Variants in TBXAS1 observed in about 807,000 individuals in gnomAD.
TBXAS1 encodes the protein thromboxane A synthase 1.
TBXAS1 carries 48 observed loss-of-function variants against 60.7 expected under a neutral mutation model. The ratio of observed to expected loss-of-function variants is 0.79; its 90% confidence interval spans 0.63 to 1.01. TBXAS1 has a LOEUF of 1.01. Among genes scored for constraint, TBXAS1 ranks in the 50% least tolerant of loss-of-function variants. The pLI is 0.00. For missense variants in TBXAS1, 685 were observed against 686.3 expected (o/e 1.00, Z 0.02); for synonymous variants, 287 against 269.7 (o/e 1.06, Z -0.63).
intron 7 of TBXAS1, 82 bp downstream of exon 7, chr7:139,955,689 G>A (rs1205944782): frequency 1.0e-5 from 16 of 1,590,578 alleles, no homozygotes; most frequent in Non-Finnish European, 1.3e-5. Context: ...GGCTTCTGGG[G>A]CTCTGTCCCT....
At chr7:139,882,794 T>C (rs943967955) in intron 3 of TBXAS1, among the ~76,000 whole-genome samples, 2 of 152,166 alleles carry the variant, frequency 1.3e-5, no homozygotes, top group Non-Finnish European at 2.9e-5. Context: ...AAGCTGTGCA[T>C]TGCCGTTCCC....
chr7:139,955,604 C>T lies in TBXAS1; in HGVS notation c.685C>T (p.Leu229Phe). Residue 229 changes from leucine to phenylalanine, a missense_variant, in exon 7 of 13, where the codon CTC becomes TTC. Physicochemically the swap from Leu to Phe is conservative, Grantham distance 22. Coordinates refer to ENST00000448866, the MANE Select transcript of TBXAS1 (RefSeq NM_001061.7). The part of the protein sequence containing the change: ...FCIPRPILVL[L>F]LSFPSIMVPL... ...CATCCCCAGACCTATCCTGGTTTTA[C>T]TCTGTAAGTGCGGCTGCAGCCCGGG... 6.2e-7 allele frequency: 1 copy of T among 1,614,158 alleles called. No individual in the cohort carries two copies. Among genetic ancestry groups the T allele is most frequent in the Non-Finnish European group, 8.5e-7 (1 of 1,180,032 alleles).
intron 9 of TBXAS1, among the ~76,000 whole-genome samples, chr7:139,988,788 C>T (rs944878360): frequency 5.3e-5 from 8 of 152,332 alleles, no homozygotes; most frequent in African/African-American, 1.4e-4. Flanking sequence ...AGACCCCAGC[C>T]AGCCACTTGA....
At position 139,875,689 on chromosome 7, in the gene TBXAS1, C is replaced by T. The variant is rs373958807; in HGVS notation, c.236+52C>T. ...TATGTACGATATTTTCTATTATGTA[C>T]GATATTTTGATTTTCACGTGTTGAA... On this transcript the variant is annotated intron_variant, in intron 3 of 12. Transcript: ENST00000448866. 16 of 1,601,042 alleles carry T rather than the reference C, an allele frequency of 1.0e-5. No homozygotes were observed. In the East Asian group the frequency reaches 1.3e-4, roughly 13 times the overall value.
At chr7:139,797,797 C>T (rs917993443) in intron 4 of TBXAS1, among the ~76,000 whole-genome samples, 1 of 152,190 alleles carries the variant, frequency 6.6e-6, no homozygotes, top group African/African-American at 2.4e-5. Flanking sequence ...GTTCAAACTT[C>T]CCTCAAAAAA....
At chr7:139,800,753 C>G (rs1214363195) in intron 4 of TBXAS1, among the ~76,000 whole-genome samples, 5 of 152,124 alleles carry the variant, frequency 3.3e-5, no homozygotes. Context: ...AGAATATTCT[C>G]CCTTCTATCT....
chr7:139,782,128 A>G (rs1442352367), intron 2 of TBXAS1, among the ~76,000 whole-genome samples: 1 of 151,770 alleles, frequency 6.6e-6, no homozygotes, highest in Admixed American at 6.6e-5. Flanking sequence ...GATAGTGTGC[A>G]TTGTATTTTA....
Position 140,004,832 on chromosome 7 carries a change from G to A in TBXAS1, c.1135-2259G>A, listed in dbSNP as rs1585042484. Among the ~76,000 whole-genome samples, 1 of 152,384 alleles carries A rather than the reference G, an allele frequency of 6.6e-6. No individual in the cohort carries two copies. Among genetic ancestry groups the A allele is most frequent in the East Asian group, 1.9e-4 (1 of 5,186 alleles). ...TCAGTACCTGGGCTAGGGGTGGGCA[G>A]AGGTTTGCCCCCATCGAGAAACAGC... On this transcript the variant is annotated intron_variant, in intron 9 of 12. Coordinates refer to ENST00000448866, the MANE Select transcript of TBXAS1 (RefSeq NM_001061.7). This position sits in a 1 kb window ranked among gnomAD's most constrained non-coding sequence, Gnocchi z 5.1.
chr7:139,966,881 C>A (rs895268359), intron 9 of TBXAS1, among the ~76,000 whole-genome samples: 1 of 152,184 alleles, frequency 6.6e-6, no homozygotes, highest in Non-Finnish European at 1.5e-5. Flanking sequence ...CCTCCCCCAC[C>A]CCTGCTGGGC....
At chr7:139,939,079 G>C (rs1018223783) in intron 5 of TBXAS1, among the ~76,000 whole-genome samples, 1 of 152,174 alleles carries the variant, frequency 6.6e-6, no homozygotes, top group African/African-American at 2.4e-5. Flanking sequence ...AAGATGCCAA[G>C]AGAAGCCAGG....
chr7:139,889,625 G>T (rs931744110), intron 3 of TBXAS1, among the ~76,000 whole-genome samples: 4 of 152,174 alleles, frequency 2.6e-5, no homozygotes, highest in African/African-American at 9.7e-5. Context: ...CCAAGATCAA[G>T]GAACCAACAG....
intron 9 of TBXAS1, among the ~76,000 whole-genome samples, chr7:139,979,924 G>T (rs1007235209): frequency 6.6e-6 from 1 of 151,290 alleles, no homozygotes; most frequent in African/African-American, 2.4e-5. Flanking sequence ...GTAACATTGG[G>T]TTTTGCTTTT....
At chr7:139,790,020 G>A (rs1797333282) in intron 4 of TBXAS1, among the ~76,000 whole-genome samples, 1 of 152,120 alleles carries the variant, frequency 6.6e-6, no homozygotes, top group South Asian at 2.1e-4. Context: ...CCTAACTATG[G>A]AATCGGAGCA....
At chr7:139,940,602 G>C (rs1423110789) in intron 5 of TBXAS1, among the ~76,000 whole-genome samples, 1 of 151,956 alleles carries the variant, frequency 6.6e-6, no homozygotes, top group African/African-American at 2.4e-5. Flanking sequence ...CTCCAGGCTC[G>C]AAGGACCTGG....
chr7:139,779,584 GTTT>G (rs1796910683), intron 1 of TBXAS1, among the ~76,000 whole-genome samples: 1 of 152,144 alleles, frequency 6.6e-6, no homozygotes, highest in Non-Finnish European at 1.5e-5. Context: ...CCACTCTAGT[GTTT>G]TTTGCTCCAC....
At chr7:139,959,764 C>A (rs748196457) in intron 8 of TBXAS1, among the ~76,000 whole-genome samples, 1 of 152,160 alleles carries the variant, frequency 6.6e-6, no homozygotes, top group Non-Finnish European at 1.5e-5. Flanking sequence ...CATAGCCAAG[C>A]CTCAGGGACC....
intron 1 of TBXAS1, among the ~76,000 whole-genome samples, chr7:139,846,643 A>C (rs985392584): frequency 6.6e-6 from 1 of 152,178 alleles, no homozygotes; most frequent in African/African-American, 2.4e-5. Context: ...CTGAATTCTC[A>C]CCTGATCCCC....
At chr7:139,855,857 T>C (rs756934708) in intron 1 of TBXAS1, among the ~76,000 whole-genome samples, 2 of 152,184 alleles carry the variant, frequency 1.3e-5, no homozygotes, top group Non-Finnish European at 2.9e-5. Context: ...TTAGAAAATA[T>C]CTGCTTTGCC....
intron 11 of TBXAS1, among the ~76,000 whole-genome samples, chr7:140,016,129 C>A (rs527394676): frequency 1.3e-5 from 2 of 152,030 alleles, no homozygotes; most frequent in African/African-American, 4.8e-5. Flanking sequence ...GAGATCGAGA[C>A]CATCCTGGCT....
Sources: gnomAD v4.1 joint callset for allele counts (sites outside exome capture counted in the v4.1 genomes callset) on GRCh38, gnomAD v4.1.1 for gene constraint, Gnocchi (gnomAD v3.1) non-coding constraint, MANE v1.5 for transcripts, NCBI Gene and HGNC (gene_info 2026-07-23, HGNC 2026-07-21) for gene names.